The following RBFOX1 variants were observed in gnomAD, a reference collection of about 807,000 sequenced individuals.
The protein encoded by RBFOX1 is RNA binding fox-1 homolog 1.
Under a neutral mutation model 57.7 loss-of-function variants are expected in RBFOX1, and 8 were observed. The observed-to-expected ratio is 0.14, with a 90% confidence interval of 0.08 to 0.25. The LOEUF (loss-of-function observed/expected upper bound fraction) is 0.25. RBFOX1 is among the 10% of genes least tolerant of loss of function. The pLI, the probability that RBFOX1 is intolerant of heterozygous loss-of-function variation, is 1.00. For synonymous variants in RBFOX1, 326 were observed against 222.4 expected, an observed-to-expected ratio of 1.47 and a Z score of -4.15; for missense variants, 611 against 548.5, an observed-to-expected ratio of 1.11 and a Z score of -1.14.
intron 3 of RBFOX1, among the ~76,000 whole-genome samples, chr16:6,675,019 C>T (rs552476987): frequency 3.3e-5 from 5 of 152,108 alleles, no homozygotes; most frequent in Non-Finnish European, 7.4e-5. Flanking sequence ...CATTCTCGTG[C>T]CTCAGCCTCC....
At chr16:6,582,696 ACTT>A (rs1340558643) in intron 2 of RBFOX1, among the ~76,000 whole-genome samples, 4 of 148,608 alleles carry the variant, frequency 2.7e-5, no homozygotes, top group Non-Finnish European at 4.5e-5. Context: ...CTCTCTTCTC[ACTT>A]CTTCATTTCT....
chr16:6,214,066 C>T lies in RBFOX1; in HGVS notation c.-126-102929C>T, dbSNP rs569527899. On this transcript the variant is annotated intron_variant, in intron 1 of 15. Coordinates refer to ENST00000550418, the MANE Select transcript of RBFOX1 (RefSeq NM_018723.4). The stretch of plus-strand genomic sequence containing the variant: ...AGATGTCCCACCCATCTCTCATACT[C>T]AAATAAGTGTTTCTTTCACTCCAAG... 2.0e-5 allele frequency among the ~76,000 whole-genome samples: 3 copies of T among 152,302 alleles called. 1 individual carries two copies. The South Asian group carries it at 6.2e-4, about 32-fold the overall frequency.
At chr16:6,699,206 T>C (rs1341574179) in intron 3 of RBFOX1, among the ~76,000 whole-genome samples, 1 of 152,140 alleles carries the variant, frequency 6.6e-6, no homozygotes, top group Non-Finnish European at 1.5e-5. Context: ...CAAGGCAGCA[T>C]ATGGACTACT....
chr16:7,637,448 G>A (rs918492716), intron 11 of RBFOX1, among the ~76,000 whole-genome samples: 2 of 152,090 alleles, frequency 1.3e-5, no homozygotes, highest in African/African-American at 2.4e-5. Flanking sequence ...GTAATTGTGT[G>A]GAATTCATAA....
intron 4 of RBFOX1, among the ~76,000 whole-genome samples, chr16:7,400,287 G>C (rs2098219093): frequency 6.6e-6 from 1 of 152,132 alleles, no homozygotes; most frequent in Non-Finnish European, 1.5e-5. Flanking sequence ...GAGGGGAGGG[G>C]CAAGGATAGG....
chr16:7,264,456 G>T (rs1437517524), intron 4 of RBFOX1, among the ~76,000 whole-genome samples: 1 of 152,172 alleles, frequency 6.6e-6, no homozygotes, highest in African/African-American at 2.4e-5. Flanking sequence ...AACTCACAAA[G>T]CTAAGTCTCT....
chr16:7,703,504 C>G (rs547208896), intron 14 of RBFOX1, among the ~76,000 whole-genome samples: 1 of 152,210 alleles, frequency 6.6e-6, no homozygotes, highest in South Asian at 2.1e-4. Flanking sequence ...AAAAAGTTCC[C>G]AGGGCATAAA....
intron 4 of RBFOX1, among the ~76,000 whole-genome samples, chr16:5,896,996 A>G (rs1375148896): frequency 2.4e-5 from 3 of 124,544 alleles, no homozygotes; most frequent in Non-Finnish European, 5.1e-5. Flanking sequence ...TCCACCCCCC[A>G]CTAAAAATGT....
chr16:6,500,594 C>T (rs1276358353), intron 2 of RBFOX1, among the ~76,000 whole-genome samples: 4 of 152,034 alleles, frequency 2.6e-5, no homozygotes, highest in African/African-American at 9.7e-5. Flanking sequence ...AATTAATATC[C>T]AGCCATGGAA....
intron 4 of RBFOX1, among the ~76,000 whole-genome samples, chr16:7,206,798 A>T (rs2090072115): frequency 1.3e-5 from 2 of 152,024 alleles, no homozygotes; most frequent in African/African-American, 4.8e-5. Flanking sequence ...AACAGGGGAG[A>T]GTGAAAGGGG....
At chr16:5,706,171 A>G (rs1023256206) in intron 3 of RBFOX1, among the ~76,000 whole-genome samples, 2 of 152,242 alleles carry the variant, frequency 1.3e-5, no homozygotes, top group Non-Finnish European at 2.9e-5. Flanking sequence ...TCGGCCTCCC[A>G]AAGTGCTGGG....
At chr16:5,370,169 C>G (rs543597887) in intron 1 of RBFOX1, among the ~76,000 whole-genome samples, 1 of 152,266 alleles carries the variant, frequency 6.6e-6, no homozygotes, top group East Asian at 1.9e-4. Context: ...CTCACTCCTG[C>G]CCACTCTGGA....
intron 14 of RBFOX1, among the ~76,000 whole-genome samples, chr16:7,680,451 C>A (rs548740452): frequency 1.3e-5 from 2 of 152,172 alleles, no homozygotes; most frequent in East Asian, 1.9e-4. Flanking sequence ...TGAAAATGTC[C>A]CTCCACGTCA....
chr16:6,813,356 A>G (rs2089251339), intron 3 of RBFOX1, among the ~76,000 whole-genome samples: 1 of 152,144 alleles, frequency 6.6e-6, no homozygotes, highest in Non-Finnish European at 1.5e-5. Flanking sequence ...TGCCTTCAGA[A>G]GCTGCTGCTT....
At chr16:6,231,416 G>A (rs146180447) in intron 1 of RBFOX1, among the ~76,000 whole-genome samples, 2,284 of 152,240 alleles carry the variant, frequency 0.015, 23 homozygotes, top group Non-Finnish European at 0.024. Flanking sequence ...CCATAAACAT[G>A]GAAGGAATCC....
chr16:5,808,950 C>A (rs575811533), intron 3 of RBFOX1, among the ~76,000 whole-genome samples: 90 of 152,268 alleles, frequency 5.9e-4, no homozygotes, highest in African/African-American at 2.1e-3. Flanking sequence ...CAACTTCCAA[C>A]ACTATGTTGA....
intron 3 of RBFOX1, among the ~76,000 whole-genome samples, chr16:5,762,274 G>C (rs2053619001): frequency 6.6e-6 from 1 of 151,494 alleles, no homozygotes; most frequent in Non-Finnish European, 1.5e-5. Context: ...AAAATGTTCA[G>C]ACTGGGTAGC....
At chr16:6,781,256 T>C (rs548026654) in intron 3 of RBFOX1, among the ~76,000 whole-genome samples, 6 of 152,184 alleles carry the variant, frequency 3.9e-5, no homozygotes, top group Non-Finnish European at 7.4e-5. Flanking sequence ...TGTTGAACCA[T>C]CCTTTTATCG....
intron 7 of RBFOX1, among the ~76,000 whole-genome samples, chr16:7,587,869 G>C (rs2094211041): frequency 1.3e-5 from 2 of 152,178 alleles, no homozygotes; most frequent in African/African-American, 4.8e-5. Context: ...GAGAGGTTTG[G>C]GTTCAGGAGA....
Sources: gnomAD v4.1 joint callset for allele counts (sites outside exome capture counted in the v4.1 genomes callset) on GRCh38, gnomAD v4.1.1 for gene constraint, MANE v1.5 for transcripts, NCBI Gene and HGNC (gene_info 2026-07-23, HGNC 2026-07-21) for gene names.